The following MSRA variants were observed in gnomAD, a reference collection of about 807,000 sequenced individuals.
MSRA encodes the protein methionine sulfoxide reductase A.
A neutral mutation model predicts 31.3 loss-of-function variants in MSRA; 54 were observed. That is an observed-to-expected ratio of 1.73 (90% CI 1.39 to 2.17). The LOEUF is 2.17. Ranked by LOEUF, MSRA falls within the 30% of genes most tolerant of loss-of-function variation. The pLI is 0.00. For synonymous variants in MSRA, 169 were observed against 116.5 expected, an observed-to-expected ratio of 1.45 and a Z score of -2.90; for missense variants, 507 against 300.9, an observed-to-expected ratio of 1.69 and a Z score of -5.07.
At chr8:10,317,624 A>G (rs1801801734) in intron 4 of MSRA, among the ~76,000 whole-genome samples, 1 of 152,208 alleles carries the variant, frequency 6.6e-6, no homozygotes, top group African/African-American at 2.4e-5. Context: ...AGTACTATGG[A>G]AGCATTTTAA....
intron 3 of MSRA, among the ~76,000 whole-genome samples, chr8:10,290,910 A>G (rs1170550409): frequency 6.6e-6 from 1 of 152,168 alleles, no homozygotes; most frequent in Non-Finnish European, 1.5e-5. Flanking sequence ...CCTGTTTCGC[A>G]GCAGAGTGGG....
chr8:10,364,949 G>C (rs1805070137), intron 5 of MSRA, among the ~76,000 whole-genome samples: 1 of 152,010 alleles, frequency 6.6e-6, no homozygotes, highest in African/African-American at 2.4e-5. Context: ...CTGGGAGTTA[G>C]GCTCCTTATT....
At chr8:10,161,054 C>G (rs910440093) in intron 1 of MSRA, among the ~76,000 whole-genome samples, 12 of 152,278 alleles carry the variant, frequency 7.9e-5, no homozygotes, top group African/African-American at 2.9e-4. Context: ...TTTAAAGCCA[C>G]TATATTACAG....
intron 4 of MSRA, among the ~76,000 whole-genome samples, chr8:10,315,157 C>T (rs376926077): frequency 6.6e-6 from 1 of 152,152 alleles, no homozygotes; most frequent in East Asian, 1.9e-4. Flanking sequence ...AGACCTGCCC[C>T]CCGTGATTCA....
chr8:10,368,662 A>T (rs753632496), intron 5 of MSRA, among the ~76,000 whole-genome samples: 3 of 152,266 alleles, frequency 2.0e-5, no homozygotes, highest in Non-Finnish European at 4.4e-5. Flanking sequence ...AATGAAAGAT[A>T]AAAGCTCTTT....
intron 3 of MSRA, among the ~76,000 whole-genome samples, chr8:10,277,477 C>T (rs891686754): frequency 1.3e-5 from 2 of 152,168 alleles, no homozygotes; most frequent in African/African-American, 2.4e-5. Context: ...CCTTCTAGTT[C>T]TATTCTGTAT....
chr8:10,155,890 A>C (rs937381057), intron 1 of MSRA, among the ~76,000 whole-genome samples: 2 of 152,200 alleles, frequency 1.3e-5, no homozygotes, highest in Non-Finnish European at 2.9e-5. Context: ...TTATAACCTT[A>C]ATGTAATCAA....
intron 5 of MSRA, among the ~76,000 whole-genome samples, chr8:10,375,184 C>T (rs1382006740): frequency 6.6e-6 from 1 of 152,236 alleles, no homozygotes. Context: ...TCTGCTCCCC[C>T]TCTTCCTACT....
intron 1 of MSRA, among the ~76,000 whole-genome samples, chr8:10,206,950 G>A (rs1040515511): frequency 6.6e-6 from 1 of 152,196 alleles, no homozygotes; most frequent in Admixed American, 6.5e-5. Flanking sequence ...CCTGAACCCA[G>A]CCAATCCAGT....
intron 5 of MSRA, among the ~76,000 whole-genome samples, chr8:10,400,461 C>A (rs567614886): frequency 1.2e-4 from 18 of 151,912 alleles, no homozygotes; most frequent in Admixed American, 7.9e-4. Context: ...TATTGACTCC[C>A]CATGTGACTG....
At chr8:10,373,941 C>T (rs1194074198) in intron 5 of MSRA, among the ~76,000 whole-genome samples, 2 of 152,180 alleles carry the variant, frequency 1.3e-5, no homozygotes, top group Admixed American at 1.3e-4. Flanking sequence ...GCTTTCGGAA[C>T]CCATGAAAAG....
chr8:10,115,790 C>A (rs1196007459), intron 1 of MSRA, among the ~76,000 whole-genome samples: 1 of 152,158 alleles, frequency 6.6e-6, no homozygotes, highest in African/African-American at 2.4e-5. Flanking sequence ...GCTGTATCCC[C>A]AGCATTAAGA....
intron 1 of MSRA, among the ~76,000 whole-genome samples, chr8:10,114,989 A>G (rs1236664913): frequency 6.6e-6 from 1 of 152,240 alleles, no homozygotes; most frequent in Non-Finnish European, 1.5e-5. Flanking sequence ...AGATATTAAA[A>G]CATACTATAA....
chr8:10,179,116 G>T (rs1017043708), intron 1 of MSRA, among the ~76,000 whole-genome samples: 7 of 152,164 alleles, frequency 4.6e-5, no homozygotes, highest in African/African-American at 1.7e-4. Context: ...GTCAGTCAGT[G>T]CCCCATCCTG....
At chr8:10,308,383 G>A (rs1019134437) in intron 4 of MSRA, among the ~76,000 whole-genome samples, 8 of 152,226 alleles carry the variant, frequency 5.3e-5, no homozygotes, top group African/African-American at 1.2e-4. Flanking sequence ...GAACCAGATC[G>A]GCCCGGCACT....
At chr8:10,333,550 C>T (rs1411900453) in intron 5 of MSRA, among the ~76,000 whole-genome samples, 3 of 152,152 alleles carry the variant, frequency 2.0e-5, no homozygotes, top group African/African-American at 7.2e-5. Context: ...GGGTTGTTGA[C>T]CTGTCTAAGC....
At chr8:10,416,049 G>C (rs1808439964) in intron 5 of MSRA, among the ~76,000 whole-genome samples, 1 of 152,216 alleles carries the variant, frequency 6.6e-6, no homozygotes, top group Middle Eastern at 3.4e-3. Context: ...ACTCCCTGGG[G>C]TGTGGCTGTT....
intron 3 of MSRA, among the ~76,000 whole-genome samples, chr8:10,256,144 C>CA (rs1426211192): frequency 2.0e-5 from 3 of 152,172 alleles, no homozygotes; most frequent in East Asian, 1.9e-4. Flanking sequence ...CCTCCCCCCC[C>CA]AACCCCTGGC....
In MSRA at chr8:10,064,873, A is replaced by G. The variant is rs151000430; in HGVS notation, c.142+10215A>G. Among the ~76,000 whole-genome samples, 1,025 of 152,324 alleles carry G rather than the reference A, an allele frequency of 6.7e-3. 14 individuals carry two copies. Among genetic ancestry groups the G allele is most frequent in the African/African-American group, 0.022 (918 of 41,568 alleles). ...TTGTACCCAGAAGGGAAGAGTCATG[A>G]AAATGAAATACTTTGAGGGAATTCA... is the stretch of plus-strand genomic sequence containing the variant. On this transcript the variant is annotated intron_variant, in intron 1 of 5. Coordinates refer to ENST00000317173, the MANE Select transcript of MSRA (RefSeq NM_012331.5).
Sources: allele counts gnomAD v4.1 joint callset (sites outside exome capture counted in the v4.1 genomes callset), GRCh38; gene constraint gnomAD v4.1.1; transcripts MANE v1.5; gene names NCBI Gene and HGNC (gene_info 2026-07-23, HGNC 2026-07-21).